Variants in SPECC1 observed in about 807,000 individuals in gnomAD.
SPECC1 encodes sperm antigen with calponin homology and coiled-coil domains 1.
Under a neutral mutation model 104.1 loss-of-function variants are expected in SPECC1, and 62 were observed. That is an observed-to-expected ratio of 0.60 (90% CI 0.49 to 0.74). The LOEUF (loss-of-function observed/expected upper bound fraction) is 0.74, where lower values mean the gene tolerates loss of function less well. Among genes scored for constraint, SPECC1 ranks in the 30% least tolerant of loss-of-function variants. The pLI is 0.00. For missense variants in SPECC1, 1,306 were observed against 1,310.5 expected (o/e 1.00, Z 0.05); for synonymous variants, 513 against 501.6 (o/e 1.02, Z -0.30).
At chr17:20,045,076 A>G (rs2045485729) in intron 1 of SPECC1, among the ~76,000 whole-genome samples, 1 of 152,222 alleles carries the variant, frequency 6.6e-6, no homozygotes, top group Non-Finnish European at 1.5e-5. Context: ...AGCAGTATAG[A>G]TATACAACTT....
intron 12 of SPECC1, among the ~76,000 whole-genome samples, chr17:20,277,894 G>A (rs754163468): frequency 6.0e-4 from 91 of 151,808 alleles, no homozygotes; most frequent in Non-Finnish European, 8.7e-4. Flanking sequence ...ATGTTGTGGC[G>A]TGTGTCAGCC....
intron 3 of SPECC1, among the ~76,000 whole-genome samples, chr17:20,126,870 G>C (rs1008754681): frequency 5.3e-5 from 8 of 152,158 alleles, no homozygotes; most frequent in Non-Finnish European, 1.5e-5. Context: ...ATTTGGTCAT[G>C]GCTTTTATTA....
chr17:20,021,567 C>CTA (rs2044374974), intron 1 of SPECC1, among the ~76,000 whole-genome samples: 1 of 151,334 alleles, frequency 6.6e-6, no homozygotes, highest in Non-Finnish European at 1.5e-5. Flanking sequence ...TGGTGTGTGC[C>CTA]TATACTTAAT....
intron 1 of SPECC1, among the ~76,000 whole-genome samples, chr17:20,079,820 T>TA (rs1470426850): frequency 1.3e-5 from 2 of 152,078 alleles, no homozygotes; most frequent in Admixed American, 6.6e-5. Flanking sequence ...AAGCTGCCAT[T>TA]GGGGGCTGTG....
In SPECC1 at chr17:20,264,967, T is replaced by C. The variant is rs542181980; in HGVS notation, c.2940+4673T>C. 4.6e-4 allele frequency among the ~76,000 whole-genome samples: 70 copies of C among 152,344 alleles called. No individual in the cohort carries two copies. The South Asian group carries it at 0.015, about 32-fold the overall frequency. ...TTTTATATGGACATGATTTTTGTTC[T>C]TTTTTATGGCTGTGTATTTCCATGG... On this transcript the variant is annotated intron_variant, in intron 12 of 14. Coordinates refer to ENST00000395527, the MANE Select transcript of SPECC1 (RefSeq NM_001243439.2).
At chr17:20,184,181 C>CAAAAAAAAAAAAAAAAAAA (rs759475722) in intron 3 of SPECC1, among the ~76,000 whole-genome samples, 1 of 44,228 alleles carries the variant, frequency 2.3e-5, no homozygotes. Flanking sequence ...ACTCCTGTCT[C>CAAAAAAAAAAAAAAAAAAA]AAAAAAAAAA....
rs372856679 is a variant in SPECC1 at position 20,313,981 on chromosome 17, C to T, written c.3123C>T (p.Leu1041=). The stretch of plus-strand genomic sequence containing the variant: ...CCCATTCCCTTCCCCTGCAGGAACT[C>T]AGCGAGATGCTGTACACAGACCGGC... The part of the protein sequence containing the change: ...ESVGIKPSLE[L]SEMLYTDRPD... Residue 1041 remains leucine, a synonymous_variant, in exon 15 of 15, where the codon CTC becomes CTT. Transcript: ENST00000395527. 1.2e-6 allele frequency: 2 copies of T among 1,614,002 alleles called. No homozygotes were observed. The highest frequency in any genetic ancestry group is 1.3e-5 in the African/African-American group (1 of 74,930).
intron 4 of SPECC1, among the ~76,000 whole-genome samples, chr17:20,211,009 G>A (rs987838410): frequency 6.6e-6 from 1 of 152,198 alleles, no homozygotes; most frequent in Non-Finnish European, 1.5e-5. Flanking sequence ...GCTCTGCGGG[G>A]CCCTGTCCCA....
At chr17:20,167,032 G>A (rs1282032119) in intron 3 of SPECC1, among the ~76,000 whole-genome samples, 1 of 151,618 alleles carries the variant, frequency 6.6e-6, no homozygotes, top group African/African-American at 2.4e-5. Context: ...AAGCCTAAGA[G>A]TATGTTCTTT....
At chr17:20,212,179 G>T (rs541991295) in intron 4 of SPECC1, among the ~76,000 whole-genome samples, 10 of 152,110 alleles carry the variant, frequency 6.6e-5, no homozygotes, top group Non-Finnish European at 1.5e-4. Context: ...GAGCAGCATT[G>T]GCCAAAATAA....
At chr17:20,236,742 G>A in intron 7 of SPECC1, 2 of 1,379,490 alleles carry the variant, frequency 1.4e-6, no homozygotes, top group Non-Finnish European at 2.0e-6. Flanking sequence ...GCCTATCCTG[G>A]ACATTAGCTT....
intron 1 of SPECC1, among the ~76,000 whole-genome samples, chr17:20,053,773 T>G (rs2045861812): frequency 6.6e-6 from 1 of 152,178 alleles, no homozygotes; most frequent in Non-Finnish European, 1.5e-5. Context: ...CCAGCTGACA[T>G]CTTGATTGCA....
intron 7 of SPECC1, among the ~76,000 whole-genome samples, chr17:20,241,836 A>G (rs906793009): frequency 6.6e-6 from 1 of 152,226 alleles, no homozygotes; most frequent in African/African-American, 2.4e-5. Flanking sequence ...TTTATGCAAA[A>G]TAAGTATTTA....
chr17:20,065,140 C>T (rs767069633), intron 1 of SPECC1, among the ~76,000 whole-genome samples: 2 of 152,202 alleles, frequency 1.3e-5, no homozygotes, highest in Non-Finnish European at 2.9e-5. Context: ...TTCCTCTGCT[C>T]TCACACCACA....
intron 3 of SPECC1, among the ~76,000 whole-genome samples, chr17:20,111,575 TTAA>T (rs2048493074): frequency 1.3e-5 from 2 of 152,076 alleles, no homozygotes; most frequent in Non-Finnish European, 1.5e-5. Flanking sequence ...ATCCCAAAAG[TTAA>T]TAAAGCCCCA....
chr17:20,077,536 G>A (rs769216653), intron 1 of SPECC1, among the ~76,000 whole-genome samples: 9 of 151,886 alleles, frequency 5.9e-5, no homozygotes, highest in South Asian at 2.1e-4. Flanking sequence ...GTACAATCTC[G>A]TCTCACCACA....
chr17:20,151,408 A>G (rs925679979), intron 3 of SPECC1, among the ~76,000 whole-genome samples: 1 of 152,158 alleles, frequency 6.6e-6, no homozygotes, highest in African/African-American at 2.4e-5. Flanking sequence ...TTTTGCATCC[A>G]TCCTGTCTAC....
intron 3 of SPECC1, among the ~76,000 whole-genome samples, chr17:20,183,136 G>A (rs2035024188): frequency 1.3e-5 from 2 of 152,106 alleles, no homozygotes; most frequent in African/African-American, 2.4e-5. Flanking sequence ...GAAAAACAAA[G>A]GTGTTCAACA....
chr17:20,267,162 G>A (rs2040244179), intron 12 of SPECC1, among the ~76,000 whole-genome samples: 1 of 152,138 alleles, frequency 6.6e-6, no homozygotes, highest in South Asian at 2.1e-4. Flanking sequence ...CTCACATTCT[G>A]CTCAACTCAT....
Sources: allele counts gnomAD v4.1 joint callset (sites outside exome capture counted in the v4.1 genomes callset), GRCh38; gene constraint gnomAD v4.1.1; transcripts MANE v1.5; gene names NCBI Gene and HGNC (gene_info 2026-07-23, HGNC 2026-07-21).